Variants in CNTNAP2 observed in about 807,000 individuals in gnomAD.
The protein encoded by CNTNAP2 is contactin associated protein 2.
Under a neutral mutation model 155.2 loss-of-function variants are expected in CNTNAP2, and 98 were observed. The ratio of observed to expected loss-of-function variants is 0.63; its 90% CI spans 0.54 to 0.75. The LOEUF is 0.75. CNTNAP2 is among the 30% of genes least tolerant of loss of function. The pLI is 0.00. For missense variants in CNTNAP2, 1,727 were observed against 1,688.1 expected, an observed-to-expected ratio of 1.02 and a Z score of -0.40; for synonymous variants, 651 against 631.2, an observed-to-expected ratio of 1.03 and a Z score of -0.47.
chr7:147,860,276 T>C (rs762892118), intron 13 of CNTNAP2, among the ~76,000 whole-genome samples: 1 of 151,932 alleles, frequency 6.6e-6, no homozygotes, highest in Non-Finnish European at 1.5e-5. Context: ...AATACAAAAA[T>C]TAGCTGGGCA....
intron 18 of CNTNAP2, among the ~76,000 whole-genome samples, chr7:148,210,616 T>A (rs1454089881): frequency 6.6e-6 from 1 of 152,218 alleles, no homozygotes; most frequent in Admixed American, 6.5e-5. Context: ...GATTTTTCTT[T>A]GGCATTTTTT....
chr7:147,495,969 G>A (rs759797841), intron 11 of CNTNAP2, among the ~76,000 whole-genome samples: 2 of 152,224 alleles, frequency 1.3e-5, no homozygotes, highest in East Asian at 1.9e-4. Flanking sequence ...AGAGGAGCAC[G>A]AATGCTATTG....
chr7:147,204,962 G>T (rs918916754), intron 8 of CNTNAP2, among the ~76,000 whole-genome samples: 1 of 151,952 alleles, frequency 6.6e-6, no homozygotes, highest in East Asian at 1.9e-4. Context: ...ATATCTGGGT[G>T]CTCTATTCTG....
intron 3 of CNTNAP2, among the ~76,000 whole-genome samples, chr7:146,856,540 G>A (rs940160827): frequency 2.0e-5 from 3 of 152,150 alleles, no homozygotes; most frequent in Non-Finnish European, 4.4e-5. Flanking sequence ...GAGTTTTGAT[G>A]GGGAGAAGTA....
chr7:146,845,813 T>C (rs1803830047), intron 3 of CNTNAP2, among the ~76,000 whole-genome samples: 1 of 152,206 alleles, frequency 6.6e-6, no homozygotes, highest in Non-Finnish European at 1.5e-5. Context: ...GCATGACAGG[T>C]AGACCTAGCT....
chr7:147,791,453 C>CTTTTT (rs35344971), intron 13 of CNTNAP2, among the ~76,000 whole-genome samples: 2 of 123,450 alleles, frequency 1.6e-5, no homozygotes, highest in Admixed American at 8.3e-5. Context: ...CTCTCTCTCT[C>CTTTTT]TTTTTTTTTT....
At chr7:146,236,272 A>G (rs1485876336) in intron 1 of CNTNAP2, among the ~76,000 whole-genome samples, 1 of 152,218 alleles carries the variant, frequency 6.6e-6, no homozygotes, top group Non-Finnish European at 1.5e-5. Flanking sequence ...TTCTTTATTC[A>G]TATCAATTAT....
chr7:147,715,638 T>C (rs1156751372), intron 13 of CNTNAP2, among the ~76,000 whole-genome samples: 1 of 152,170 alleles, frequency 6.6e-6, no homozygotes, highest in Non-Finnish European at 1.5e-5. Context: ...TCTCCCAGTC[T>C]GCAATTTGTC....
intron 1 of CNTNAP2, among the ~76,000 whole-genome samples, chr7:146,504,482 G>A (rs1288958265): frequency 6.6e-6 from 1 of 152,182 alleles, no homozygotes; most frequent in Non-Finnish European, 1.5e-5. Flanking sequence ...CAATCAATAT[G>A]TAGGCCTATC....
At chr7:146,444,185 T>C (rs1443731014) in intron 1 of CNTNAP2, among the ~76,000 whole-genome samples, 1 of 151,964 alleles carries the variant, frequency 6.6e-6, no homozygotes, top group African/African-American at 2.4e-5. Context: ...CCACCATGCC[T>C]GACAAATTTT....
chr7:148,298,936 G>T (rs1005139833), intron 21 of CNTNAP2, among the ~76,000 whole-genome samples: 2 of 151,844 alleles, frequency 1.3e-5, no homozygotes, highest in African/African-American at 4.8e-5. Flanking sequence ...CTGGGCTCAA[G>T]TGATCCACCC....
intron 21 of CNTNAP2, among the ~76,000 whole-genome samples, chr7:148,270,887 T>G (rs1043084602): frequency 3.9e-5 from 6 of 152,196 alleles, no homozygotes; most frequent in African/African-American, 1.2e-4. Context: ...GGTTCTCTCC[T>G]TTGCAAAATG....
At chr7:146,179,667 G>A (rs1276259846) in intron 1 of CNTNAP2, among the ~76,000 whole-genome samples, 1 of 152,100 alleles carries the variant, frequency 6.6e-6, no homozygotes, top group East Asian at 1.9e-4. Flanking sequence ...AAGATTAAGT[G>A]AATTGGCCAG....
chr7:147,318,314 C>G (rs138863408), intron 9 of CNTNAP2, among the ~76,000 whole-genome samples: 1,769 of 152,134 alleles, frequency 0.012, 17 homozygotes, highest in Non-Finnish European at 0.017. Context: ...TGGGTACGCG[C>G]ACCTGAAGTC....
intron 1 of CNTNAP2, among the ~76,000 whole-genome samples, chr7:146,585,355 C>T (rs893630269): frequency 9.9e-5 from 15 of 151,956 alleles, no homozygotes; most frequent in Admixed American, 5.3e-4. Context: ...CTCCTGACCT[C>T]GTGATCCACC....
At chr7:146,552,829 A>C (rs977901696) in intron 1 of CNTNAP2, among the ~76,000 whole-genome samples, 1 of 151,964 alleles carries the variant, frequency 6.6e-6, no homozygotes, top group African/African-American at 2.4e-5. Context: ...CATGCAATGC[A>C]CTCAGCCTGA....
intron 5 of CNTNAP2, among the ~76,000 whole-genome samples, chr7:147,120,140 T>C (rs915770124): frequency 2.0e-5 from 3 of 152,184 alleles, no homozygotes; most frequent in African/African-American, 7.2e-5. Context: ...ATTGTTCTCT[T>C]TACAACAATG....
chr7:146,482,641 G>A (rs1796979734), intron 1 of CNTNAP2, among the ~76,000 whole-genome samples: 1 of 151,920 alleles, frequency 6.6e-6, no homozygotes, highest in Non-Finnish European at 1.5e-5. Context: ...TACTCGGGAG[G>A]TTGAGGCAGG....
At chr7:148,411,952 T>TATC (rs61240561) in intron 23 of CNTNAP2, among the ~76,000 whole-genome samples, 16 of 146,086 alleles carry the variant, frequency 1.1e-4, no homozygotes, top group African/African-American at 3.6e-4. Context: ...TTGTTGTATC[T>TATC]TTTTTTGTTG....
Sources: allele counts gnomAD v4.1 joint callset (sites outside exome capture counted in the v4.1 genomes callset), GRCh38; gene constraint gnomAD v4.1.1; transcripts MANE v1.5; gene names NCBI Gene and HGNC (gene_info 2026-07-23, HGNC 2026-07-21).